The following CD59 variants were observed in gnomAD, a reference collection of about 807,000 sequenced individuals.
CD59 encodes CD59 glycoprotein.
Under a neutral mutation model 7.0 loss-of-function variants are expected in CD59, and 3 were observed. The observed-to-expected ratio is 0.43, with a 90% confidence interval of 0.19 to 1.10. The LOEUF is 1.10. CD59 is among the 50% of genes least tolerant of loss of function. CD59 has a pLI of 0.29. For missense variants in CD59, 143 were observed against 151.0 expected (o/e 0.95, Z 0.28); for synonymous variants, 60 against 62.0 (o/e 0.97, Z 0.15).
Position 33,706,425 on chromosome 11 carries a change from C to A in CD59, c.*3701G>T, listed in dbSNP as rs1391738959. 9 of 152,086 alleles carry A rather than the reference C, an allele frequency of 5.9e-5. No individual in the cohort carries two copies. The highest frequency in any genetic ancestry group is 5.9e-4 in the Admixed American group (9 of 15,258). The allele number at this position is 152,086 out of a possible 1,614,324, so 9.4% of individuals were successfully genotyped here. ...CACTGTAGGTTTTAGACTCTTACAG[C>A]CTTAACAACCTTGTAAATCCATAAC... On this transcript the variant is annotated 3_prime_UTR_variant, in exon 4 of 4. Coordinates refer to ENST00000642928, the MANE Select transcript of CD59 (RefSeq NM_000611.6).
chr11:33,736,120 C>CG lies in CD59; in HGVS notation c.-19+261dup, dbSNP rs567337869. 9.8e-4 allele frequency among the ~76,000 whole-genome samples: 149 copies of CG among 152,132 alleles called. No individual in the cohort carries two copies. The highest frequency in any genetic ancestry group is 3.4e-3 in the Middle Eastern group (1 of 294). On this transcript the variant is annotated intron_variant, in intron 1 of 3. Transcript: ENST00000642928. This position sits in a 1 kb window ranked among gnomAD's most constrained non-coding sequence, Gnocchi z 4.4. ...GCCCCCGAGGGAATGGGGGGCGCGA[C>CG]GGGGGTAACGGGGCTGCTTCTGGGA...
intron 1 of CD59, chr11:33,722,938 T>C (rs1854137638): frequency 9.2e-7 from 1 of 1,081,348 alleles, no homozygotes; most frequent in Non-Finnish European, 1.1e-6. Flanking sequence ...GGCTCCTCAC[T>C]GTAAGAAGTA....
At position 33,705,036 on chromosome 11, in the gene CD59, T is replaced by C. The variant is rs561546156; in HGVS notation, c.*5090A>G. 1 of 152,314 alleles carries C rather than the reference T, an allele frequency of 6.6e-6. No individual in the cohort carries two copies. Among genetic ancestry groups the C allele is most frequent in the South Asian group, 2.1e-4 (1 of 4,824 alleles). The allele number at this position is 152,314 out of a possible 1,614,324, so 9.4% of individuals were successfully genotyped here. A position where few individuals can be genotyped will look rare whatever the true frequency, so the allele number is the denominator to read the frequency against. ...TTTCCCAGGTAAATGTGGTCCTATG[T>C]ACTTGCAGAGTAAGAATTTAAAAAA... On this transcript the variant is annotated 3_prime_UTR_variant, in exon 4 of 4. Transcript: ENST00000642928.
At chr11:33,733,230 C>T (rs573311056) in intron 1 of CD59, among the ~76,000 whole-genome samples, 3 of 152,314 alleles carry the variant, frequency 2.0e-5, no homozygotes, top group Admixed American at 6.5e-5. Flanking sequence ...CCCTGTGAGA[C>T]CTGTGTCAGA....
Position 33,717,394 on chromosome 11 carries a change from C to G in CD59, c.145G>C (p.Asp49His). 2 of 1,613,254 alleles carry G rather than the reference C, an allele frequency of 1.2e-6. No individual in the cohort carries two copies. Among genetic ancestry groups the G allele is most frequent in the African/African-American group, 1.3e-5 (1 of 75,010 alleles). Residue 49 changes from aspartate to histidine, a missense_variant, in exon 3 of 4, where the codon GAT becomes CAT. Coordinates refer to ENST00000642928, the MANE Select transcript of CD59 (RefSeq NM_000611.6). ...CCAGCTTTGGTAATGAGACACGCAT[C>G]AAAATCAGATGAACAATTGACGGCT... ...KTAVNCSSDF[D>H]ACLITKAGLQ...
At chr11:33,723,531 G>A (rs1310016997) in intron 1 of CD59, among the ~76,000 whole-genome samples, 1 of 152,246 alleles carries the variant, frequency 6.6e-6, no homozygotes, top group Admixed American at 6.5e-5. Flanking sequence ...GATGGGGGTG[G>A]TGGAGATGAG....
rs889351923 is a variant in CD59 at position 33,704,431 on chromosome 11, G to A, written c.*5695C>T. Reference sequence around the variant, plus strand: ...CATTAAGCCCTGGTGGATGAATGAGGAAAATGCAGCAGGGGGTCCATCCTA... The same window carrying A: ...CATTAAGCCCTGGTGGATGAATGAGAAAAATGCAGCAGGGGGTCCATCCTA... On this transcript the variant is annotated 3_prime_UTR_variant, in exon 4 of 4. Transcript: ENST00000642928. 6 of 152,082 alleles carry A rather than the reference G, an allele frequency of 3.9e-5. No homozygotes were observed. Among genetic ancestry groups the A allele is most frequent in the African/African-American group, 1.4e-4 (6 of 41,386 alleles). 9.4% of individuals were successfully genotyped at this position (152,082 alleles called of 1,614,324 possible). A position where few individuals can be genotyped will look rare whatever the true frequency, so the allele number is the denominator to read the frequency against.
chr11:33,712,438 A>T (rs1317919194), intron 3 of CD59, among the ~76,000 whole-genome samples: 1 of 152,260 alleles, frequency 6.6e-6, no homozygotes, highest in Admixed American at 6.5e-5. Flanking sequence ...ACAATAGAAT[A>T]CTATGTGGCC....
intron 1 of CD59, among the ~76,000 whole-genome samples, chr11:33,723,961 T>G (rs1683088360): frequency 6.6e-6 from 1 of 152,038 alleles, no homozygotes; most frequent in African/African-American, 2.4e-5. Flanking sequence ...AAAAAAAAAT[T>G]AGACTGGTGT....
intron 1 of CD59, chr11:33,723,040 A>T (rs1854141372): frequency 2.4e-6 from 2 of 822,334 alleles, no homozygotes; most frequent in Non-Finnish European, 3.0e-6. Flanking sequence ...CTAGATGTGT[A>T]GTGATAGCAT....
intron 3 of CD59, among the ~76,000 whole-genome samples, chr11:33,713,106 A>C (rs549905708): frequency 6.6e-6 from 1 of 152,304 alleles, no homozygotes; most frequent in South Asian, 2.1e-4. Flanking sequence ...CCTTGGGCAC[A>C]CAGGAAAATA....
intron 3 of CD59, chr11:33,711,567 C>T: frequency 1.7e-6 from 1 of 583,720 alleles, no homozygotes. Context: ...GTCTTAGCTA[C>T]TTGGGAGGCT....
chr11:33,716,771 C>T (rs1278327488), intron 3 of CD59, among the ~76,000 whole-genome samples: 9 of 152,214 alleles, frequency 5.9e-5, no homozygotes, highest in Non-Finnish European at 8.8e-5. Context: ...CTACCGAGCC[C>T]TGGCACCTGC....
chr11:33,710,821 G>A (rs1431344710), intron 3 of CD59, among the ~76,000 whole-genome samples: 2 of 150,922 alleles, frequency 1.3e-5, no homozygotes, highest in Non-Finnish European at 2.9e-5. Flanking sequence ...GCCTCCCAAA[G>A]TGATAGAATT....
intron 1 of CD59, among the ~76,000 whole-genome samples, chr11:33,727,929 A>C (rs978789015): frequency 6.6e-6 from 1 of 152,196 alleles, no homozygotes; most frequent in Non-Finnish European, 1.5e-5. Flanking sequence ...AATTGCTATA[A>C]AAAGAATAAA....
chr11:33,731,315 T>C (rs1462922637), intron 1 of CD59: 2 of 138,444 alleles, frequency 1.4e-5, no homozygotes, highest in African/African-American at 2.6e-5. Flanking sequence ...CAAATACACA[T>C]ATATATGCAC....
chr11:33,710,721 T>C (rs76622637), intron 3 of CD59, among the ~76,000 whole-genome samples: 8,401 of 132,752 alleles, frequency 0.063, 413 homozygotes, highest in African/African-American at 0.2. Context: ...TCCTTTTCTT[T>C]TCTTTTTTTT....
intron 3 of CD59, among the ~76,000 whole-genome samples, chr11:33,711,053 G>C (rs60799690): frequency 1.5e-4 from 6 of 40,522 alleles, no homozygotes; most frequent in African/African-American, 2.1e-4. Flanking sequence ...AAATAAAGGT[G>C]GGGGGGGGGC....
chr11:33,711,370 A>G (rs909256443), intron 3 of CD59: 3 of 701,282 alleles, frequency 4.3e-6, no homozygotes, highest in South Asian at 3.0e-5. Context: ...AAACTCTACA[A>G]TAAAAAGACT....
Sources: allele counts gnomAD v4.1 joint callset (sites outside exome capture counted in the v4.1 genomes callset), GRCh38; gene constraint gnomAD v4.1.1; non-coding constraint Gnocchi (gnomAD v3.1); transcripts MANE v1.5; gene names NCBI Gene and HGNC (gene_info 2026-07-23, HGNC 2026-07-21).